The following ELL variants were observed in gnomAD, a reference collection of about 807,000 sequenced individuals.
ELL encodes the protein elongation factor for RNA polymerase II.
In ELL, 18 loss-of-function variants were observed where a neutral mutation model predicts 64.0. The ratio of observed to expected loss-of-function variants is 0.28; its 90% CI spans 0.19 to 0.42. The LOEUF is 0.42. ELL is among the 10% of genes least tolerant of loss of function. ELL has a pLI of 1.00. For missense variants in ELL, 797 were observed against 870.4 expected (o/e 0.92, Z 1.06); for synonymous variants, 399 against 376.2 (o/e 1.06, Z -0.70).
At chr19:18,510,230 C>T (rs1015347422) in intron 1 of ELL, among the ~76,000 whole-genome samples, 2 of 152,292 alleles carry the variant, frequency 1.3e-5, no homozygotes, top group South Asian at 4.1e-4. Context: ...CTTAGCTGGG[C>T]ATTGTGGCGC....
chr19:18,493,617 G>A (rs1406514531), intron 1 of ELL, among the ~76,000 whole-genome samples: 3 of 152,236 alleles, frequency 2.0e-5, no homozygotes, highest in Non-Finnish European at 4.4e-5. Context: ...GCAGCCAGAC[G>A]GCCCCACACT....
chr19:18,504,937 G>T (rs1975851837), intron 1 of ELL, among the ~76,000 whole-genome samples: 1 of 152,220 alleles, frequency 6.6e-6, no homozygotes, highest in Non-Finnish European at 1.5e-5. Context: ...CCTGCGCACA[G>T]GAGGCTCTCA....
chr19:18,519,527 C>T (rs1472369611), intron 1 of ELL, among the ~76,000 whole-genome samples: 1 of 152,230 alleles, frequency 6.6e-6, no homozygotes, highest in Non-Finnish European at 1.5e-5. Flanking sequence ...GCCAAGCTGG[C>T]TGGGAGCAGT....
At chr19:18,497,989 G>A (rs973702934) in intron 1 of ELL, among the ~76,000 whole-genome samples, 13 of 152,056 alleles carry the variant, frequency 8.5e-5, no homozygotes, top group East Asian at 1.9e-4. Context: ...TTAGCCGGGT[G>A]TGGTGGCTCA....
At chr19:18,486,087 C>T (rs2144948203) in intron 1 of ELL, among the ~76,000 whole-genome samples, 2 of 152,288 alleles carry the variant, frequency 1.3e-5, no homozygotes, top group South Asian at 4.1e-4. Context: ...CCTGAGAGCA[C>T]AGCCACCCCC....
chr19:18,465,823 G>A lies in ELL; in HGVS notation c.279C>T (p.Phe93=), dbSNP rs200416456. ...TGGAGACATACTGCTGGATGCAGTC[G>A]AAGCTGCCCTGGGGGTTGTCGCGGC... is the stretch of plus-strand genomic sequence containing the variant. ...NIGRDNPQGS[F]DCIQQYVSSH... Residue 93 remains phenylalanine, a synonymous_variant, in exon 3 of 12, where the codon TTC becomes TTT. Coordinates refer to ENST00000262809, the MANE Select transcript of ELL (RefSeq NM_006532.4). The A allele has an allele frequency of 3.2e-4, 439 of 1,368,414 alleles. 1 individual carries two copies. Among genetic ancestry groups the A allele is most frequent in the Non-Finnish European group, 3.9e-4 (415 of 1,051,642 alleles). The allele number at this position is 1,368,414 out of a possible 1,614,324, so 84.8% of individuals were successfully genotyped here.
chr19:18,446,713 G>A (rs1974424690), intron 9 of ELL, 35 bp downstream of exon 9: 2 of 1,612,610 alleles, frequency 1.2e-6, no homozygotes, highest in Non-Finnish European at 1.7e-6. Flanking sequence ...CCAGAAAAGG[G>A]AGGCCTGGCC....
chr19:18,482,007 G>T lies in ELL; in HGVS notation c.136-9125C>A, dbSNP rs142507535. Among the ~76,000 whole-genome samples, 145 of 152,198 alleles carry T rather than the reference G, an allele frequency of 9.5e-4. 1 individual carries two copies. The East Asian group carries it at 0.015, about 16-fold the overall frequency. On this transcript the variant is annotated intron_variant, in intron 1 of 11. Transcript: ENST00000262809. ...AGAGTTCCTGTTGCTCCCCATCCAC[G>T]TCAACATTTAGTGCTGTCAGCTTAT...
chr19:18,484,260 T>C (rs1030635462), intron 1 of ELL, among the ~76,000 whole-genome samples: 1 of 152,118 alleles, frequency 6.6e-6, no homozygotes, highest in African/African-American at 2.4e-5. Context: ...AGTCAAGAGT[T>C]CGAGACCAGC....
chr19:18,511,440 C>A (rs945801991), intron 1 of ELL, among the ~76,000 whole-genome samples: 19 of 152,072 alleles, frequency 1.2e-4, no homozygotes, highest in Non-Finnish European at 2.8e-4. Context: ...GGTATGTATC[C>A]AAAAGAACTG....
At chr19:18,500,565 G>A (rs1020260959) in intron 1 of ELL, among the ~76,000 whole-genome samples, 2 of 152,230 alleles carry the variant, frequency 1.3e-5, no homozygotes, top group Admixed American at 6.5e-5. Flanking sequence ...CGGGAACTGG[G>A]AGGTTCCCTC....
In ELL at chr19:18,449,893, G is replaced by A. The variant is rs571154952; in HGVS notation, c.1465+584C>T. Among the ~76,000 whole-genome samples, 76 of 152,306 alleles carry A rather than the reference G, an allele frequency of 5.0e-4. No individual in the cohort carries two copies. Among genetic ancestry groups the A allele is most frequent in the African/African-American group, 1.7e-3 (72 of 41,558 alleles). On this transcript the variant is annotated intron_variant, in intron 8 of 11. Coordinates refer to ENST00000262809, the MANE Select transcript of ELL (RefSeq NM_006532.4). This position sits in a 1 kb window ranked among gnomAD's most constrained non-coding sequence, Gnocchi z 4.4. ...TTTAGGTGCCTGGGCTGTGGTCTCG[G>A]AGCCGCCCAGGTCTCCTGGCTCCCC...
chr19:18,504,905 C>A (rs1975851306), intron 1 of ELL, among the ~76,000 whole-genome samples: 1 of 152,236 alleles, frequency 6.6e-6, no homozygotes, highest in Non-Finnish European at 1.5e-5. Flanking sequence ...CGAGGAGCCA[C>A]CTGGCCTGGG....
At chr19:18,469,956 A>G (rs753198330) in intron 2 of ELL, among the ~76,000 whole-genome samples, 8 of 152,262 alleles carry the variant, frequency 5.3e-5, no homozygotes, top group Non-Finnish European at 1.2e-4. Flanking sequence ...AGCCCAGTGC[A>G]GGCTCTGTGG....
chr19:18,470,138 A>G (rs1975033907), intron 2 of ELL, among the ~76,000 whole-genome samples: 1 of 152,232 alleles, frequency 6.6e-6, no homozygotes, highest in Non-Finnish European at 1.5e-5. Context: ...CCAACATGGC[A>G]AAACCCTGTC....
At chr19:18,506,369 T>C (rs1050123723) in intron 1 of ELL, among the ~76,000 whole-genome samples, 8 of 152,242 alleles carry the variant, frequency 5.3e-5, no homozygotes, top group Admixed American at 3.9e-4. Flanking sequence ...TGTGGCAAGT[T>C]ACCCTCTCCC....
intron 4 of ELL, among the ~76,000 whole-genome samples, chr19:18,463,635 A>G (rs1004184386): frequency 6.6e-6 from 1 of 151,990 alleles, no homozygotes; most frequent in Non-Finnish European, 1.5e-5. Context: ...ATCTGGCCAC[A>G]TTCACATCTT....
chr19:18,474,382 G>C (rs550680184), intron 1 of ELL, among the ~76,000 whole-genome samples: 2 of 152,316 alleles, frequency 1.3e-5, no homozygotes, highest in Admixed American at 1.3e-4. Context: ...CCCCTTCTTT[G>C]CCAAGTCTCT....
At chr19:18,459,301 C>T (rs1451258026) in intron 5 of ELL, among the ~76,000 whole-genome samples, 2 of 152,206 alleles carry the variant, frequency 1.3e-5, no homozygotes, top group East Asian at 1.9e-4. Flanking sequence ...TTGCTGTTGC[C>T]GGTTGACCAA....
Sources: allele counts gnomAD v4.1 joint callset (sites outside exome capture counted in the v4.1 genomes callset), GRCh38; gene constraint gnomAD v4.1.1; non-coding constraint Gnocchi (gnomAD v3.1); transcripts MANE v1.5; gene names NCBI Gene and HGNC (gene_info 2026-07-23, HGNC 2026-07-21).